Variants in MAST2 observed in about 807,000 individuals in gnomAD.
MAST2 encodes microtubule associated serine/threonine kinase 2, also known as microtubule-associated serine/threonine-protein kinase 2.
In MAST2, 70 loss-of-function variants were observed where a neutral mutation model predicts 147.4. That is an observed-to-expected ratio of 0.47 (90% confidence interval 0.39 to 0.58). The LOEUF (loss-of-function observed/expected upper bound fraction) is 0.58. Ranked by LOEUF, MAST2 falls within the 20% of genes least tolerant of loss-of-function variation. The probability of loss-of-function intolerance (pLI) is 0.00; values close to 1 mark genes in which losing one functional copy is unlikely to be tolerated. For missense variants in MAST2, 2,080 were observed against 2,302.3 expected (o/e 0.90, Z 1.98); for synonymous variants, 869 against 896.8 (o/e 0.97, Z 0.55).
chr1:45,817,173 A>G (rs1038377244), intron 1 of MAST2, among the ~76,000 whole-genome samples: 2 of 152,322 alleles, frequency 1.3e-5, no homozygotes, highest in South Asian at 2.1e-4. Context: ...ATCGAAATGA[A>G]TAACAACAGA....
rs577600117 is a variant in MAST2 at position 46,016,778 on chromosome 1, C to T, written c.1189-2818C>T. Among the ~76,000 whole-genome samples, 73 of 152,264 alleles carry T rather than the reference C, an allele frequency of 4.8e-4. No individual in the cohort carries two copies. In the East Asian group the frequency reaches 0.013, roughly 28 times the overall value. ...TAATTTTTATAGATTCAACACCATC[C>T]CCATCAAGCTACCAATGACTTTCTT... On this transcript the variant is annotated intron_variant, in intron 10 of 28. Transcript: ENST00000361297.
At chr1:45,967,016 CA>C (rs1462920520) in intron 5 of MAST2, among the ~76,000 whole-genome samples, 1 of 151,844 alleles carries the variant, frequency 6.6e-6, no homozygotes, top group Non-Finnish European at 1.5e-5. Flanking sequence ...ATTTAATTTT[CA>C]ATTCCTGGCG....
intron 7 of MAST2, among the ~76,000 whole-genome samples, chr1:46,003,629 T>A (rs886371759): frequency 2.0e-5 from 3 of 152,076 alleles, no homozygotes; most frequent in African/African-American, 7.2e-5. Flanking sequence ...GCCACCACCC[T>A]GTAGCAGGCT....
At chr1:46,001,005 G>T in intron 6 of MAST2, 1 of 1,288,880 alleles carries the variant, frequency 7.8e-7, no homozygotes, top group Non-Finnish European at 1.0e-6. Context: ...ATGGGGAGAG[G>T]GGCTGGGAAA....
intron 5 of MAST2, among the ~76,000 whole-genome samples, chr1:45,981,676 A>G (rs76646795): frequency 1.3e-5 from 2 of 152,118 alleles, no homozygotes; most frequent in African/African-American, 2.4e-5. Flanking sequence ...TCAGAAATGT[A>G]CAAGGGCAGC....
At chr1:45,917,364 G>C in intron 4 of MAST2, 2 of 1,366,432 alleles carry the variant, frequency 1.5e-6, no homozygotes, top group Non-Finnish European at 2.0e-6. Context: ...CCGAGGAGCT[G>C]AAGTAAACCA....
intron 10 of MAST2, among the ~76,000 whole-genome samples, chr1:46,011,740 C>T (rs768423682): frequency 6.6e-6 from 1 of 152,188 alleles, no homozygotes; most frequent in Non-Finnish European, 1.5e-5. Context: ...GGAGTAGTAC[C>T]AACTGAGCTG....
intron 1 of MAST2, among the ~76,000 whole-genome samples, chr1:45,823,973 T>C (rs974193992): frequency 6.6e-5 from 10 of 152,242 alleles, no homozygotes; most frequent in Non-Finnish European, 1.3e-4. Flanking sequence ...CTTATAGGCA[T>C]ATAAAGAAAG....
chr1:45,889,845 A>G (rs1647422424), intron 4 of MAST2, among the ~76,000 whole-genome samples: 1 of 151,514 alleles, frequency 6.6e-6, no homozygotes, highest in Non-Finnish European at 1.5e-5. Flanking sequence ...TCCCAACCTC[A>G]GGTGATTAAG....
chr1:45,938,678 C>T (rs1656660202), intron 4 of MAST2, among the ~76,000 whole-genome samples: 1 of 152,202 alleles, frequency 6.6e-6, no homozygotes, highest in African/African-American at 2.4e-5. Context: ...TGGACTGCAT[C>T]ATTTCACATT....
At chr1:46,019,485 C>G in intron 10 of MAST2, 111 bp from the exon 11 acceptor site, 1 of 782,036 alleles carries the variant, frequency 1.3e-6, no homozygotes, top group Non-Finnish European at 2.1e-6. Flanking sequence ...CTTTGCGGAG[C>G]TCTCTATGCT....
At chr1:46,021,812 C>G in intron 11 of MAST2, 138 bp from the exon 12 acceptor site, 1 of 788,622 alleles carries the variant, frequency 1.3e-6, no homozygotes, top group Non-Finnish European at 2.1e-6. Context: ...CATGTTGTTT[C>G]TGAATATTCA....
At chr1:46,019,831 C>A in intron 11 of MAST2, 134 bp downstream of exon 11, 1 of 752,624 alleles carries the variant, frequency 1.3e-6, no homozygotes, top group Non-Finnish European at 2.2e-6. Context: ...ATATGATTTG[C>A]CACCATTGGG....
chr1:45,870,634 G>C (rs1646346624), intron 3 of MAST2, among the ~76,000 whole-genome samples: 1 of 151,352 alleles, frequency 6.6e-6, no homozygotes, highest in Non-Finnish European at 1.5e-5. Flanking sequence ...TCAAGTATCA[G>C]TGGAATGCCG....
intron 5 of MAST2, among the ~76,000 whole-genome samples, chr1:45,980,881 C>A (rs987258046): frequency 6.6e-6 from 1 of 152,064 alleles, no homozygotes; most frequent in Non-Finnish European, 1.5e-5. Context: ...CAAAATAAGA[C>A]CAGTTCAAAT....
At chr1:45,833,414 C>T (rs557342493) in intron 3 of MAST2, among the ~76,000 whole-genome samples, 11 of 152,052 alleles carry the variant, frequency 7.2e-5, no homozygotes, top group Non-Finnish European at 1.0e-4. Flanking sequence ...AAAAAAATTA[C>T]ATAGAGTGAA....
intron 4 of MAST2, among the ~76,000 whole-genome samples, chr1:45,913,240 C>A (rs1288060231): frequency 6.6e-6 from 1 of 152,160 alleles, no homozygotes; most frequent in Non-Finnish European, 1.5e-5. Context: ...CTGTAGTCTT[C>A]CTTCAGGCTT....
intron 5 of MAST2, among the ~76,000 whole-genome samples, chr1:45,987,776 G>GTTTTTTTTTT (rs1644692974): frequency 5.5e-4 from 17 of 30,704 alleles, no homozygotes; most frequent in African/African-American, 8.4e-4. Flanking sequence ...TTTTTTTTTT[G>GTTTTTTTTTT]ATTTTTTTTT....
intron 8 of MAST2, 87 bp downstream of exon 8, chr1:46,006,482 G>T: frequency 7.9e-7 from 1 of 1,271,238 alleles, no homozygotes; most frequent in South Asian, 1.9e-5. Flanking sequence ...ATGCTATAAG[G>T]GGCCAAGATA....
Sources: allele counts gnomAD v4.1 joint callset (sites outside exome capture counted in the v4.1 genomes callset), GRCh38; gene constraint gnomAD v4.1.1; transcripts MANE v1.5; gene names NCBI Gene and HGNC (gene_info 2026-07-23, HGNC 2026-07-21).